Variants in EIF3J observed in about 807,000 individuals in gnomAD.
The protein encoded by EIF3J is eukaryotic translation initiation factor 3, subunit 1 (alpha, 35kD).
A neutral mutation model predicts 39.0 loss-of-function variants in EIF3J; 15 were observed. That is an observed-to-expected ratio of 0.38 (90% CI 0.26 to 0.59). EIF3J has a LOEUF of 0.59. Ranked by LOEUF, EIF3J falls within the 20% of genes least tolerant of loss-of-function variation. The pLI is 0.60. For missense variants in EIF3J, 226 were observed against 308.6 expected, an observed-to-expected ratio of 0.73 and a Z score of 2.00; for synonymous variants, 98 against 112.9, an observed-to-expected ratio of 0.87 and a Z score of 0.84.
At chr15:44,557,795 G>A (rs1421344064) in intron 6 of EIF3J, 145 bp downstream of exon 6, 2 of 510,826 alleles carry the variant, frequency 3.9e-6, no homozygotes, top group South Asian at 6.9e-5. Context: ...TGTGAATGTT[G>A]TTCTGCAGAT....
chr15:44,551,846 T>C (rs1326914861), intron 4 of EIF3J, among the ~76,000 whole-genome samples: 1 of 151,776 alleles, frequency 6.6e-6, no homozygotes. Flanking sequence ...TTTTTTTTTT[T>C]TGGAGACGGA....
chr15:44,544,549 C>T (rs775489221), intron 2 of EIF3J, among the ~76,000 whole-genome samples: 2 of 149,012 alleles, frequency 1.3e-5, no homozygotes, highest in African/African-American at 2.5e-5. Flanking sequence ...ACTAAAAATA[C>T]AAAATTAGCC....
intron 4 of EIF3J, among the ~76,000 whole-genome samples, chr15:44,552,028 G>A (rs923847839): frequency 3.9e-5 from 6 of 151,930 alleles, no homozygotes; most frequent in Non-Finnish European, 7.4e-5. Flanking sequence ...TCACCATGTT[G>A]GCCAGGATGG....
chr15:44,551,090 TTCTC>T (rs2082095239), intron 3 of EIF3J, among the ~76,000 whole-genome samples, 160 bp downstream of exon 3: 1 of 152,238 alleles, frequency 6.6e-6, no homozygotes, highest in Non-Finnish European at 1.5e-5. Context: ...CCTGCAACTT[TTCTC>T]TATCGCCTCA....
chr15:44,542,611 A>C (rs948303236), intron 2 of EIF3J, among the ~76,000 whole-genome samples: 1 of 152,222 alleles, frequency 6.6e-6, no homozygotes, highest in Non-Finnish European at 1.5e-5. Flanking sequence ...GTTAGAAATA[A>C]AAAGAAAGCA....
intron 4 of EIF3J, among the ~76,000 whole-genome samples, chr15:44,551,768 T>G (rs1293441416): frequency 6.6e-6 from 1 of 152,162 alleles, no homozygotes; most frequent in Non-Finnish European, 1.5e-5. Flanking sequence ...GTGACTACAG[T>G]CAGTGATTTT....
chr15:44,548,809 A>G (rs2082074748), intron 2 of EIF3J, among the ~76,000 whole-genome samples: 2 of 152,170 alleles, frequency 1.3e-5, no homozygotes, highest in African/African-American at 4.8e-5. Flanking sequence ...TTTGCCTCTA[A>G]TCATTTCTAA....
chr15:44,552,312 A>C (rs1236185461), intron 4 of EIF3J, among the ~76,000 whole-genome samples: 3 of 151,918 alleles, frequency 2.0e-5, no homozygotes, highest in Non-Finnish European at 4.4e-5. Flanking sequence ...CAGTGGTGTG[A>C]TTTTGGCTCA....
intron 2 of EIF3J, among the ~76,000 whole-genome samples, chr15:44,538,271 G>A (rs2081977711): frequency 6.6e-6 from 1 of 150,596 alleles, no homozygotes; most frequent in Non-Finnish European, 1.5e-5. Flanking sequence ...AGCTGTAAGT[G>A]ACATTTACTT....
chr15:44,550,208 C>G (rs1567117832), intron 2 of EIF3J, among the ~76,000 whole-genome samples: 1 of 152,114 alleles, frequency 6.6e-6, no homozygotes, highest in South Asian at 2.1e-4. Flanking sequence ...CCTAGAGAAG[C>G]AACGATAAAT....
intron 6 of EIF3J, among the ~76,000 whole-genome samples, chr15:44,559,806 C>G (rs1258336073): frequency 6.6e-6 from 1 of 152,056 alleles, no homozygotes. Context: ...TTATCCTCCC[C>G]CATTTGTTTA....
intron 4 of EIF3J, 129 bp from the exon 5 acceptor site, chr15:44,554,424 G>T: frequency 6.2e-5 from 20 of 321,334 alleles, no homozygotes; most frequent in Non-Finnish European, 7.6e-5. Flanking sequence ...AAGAATGCCT[G>T]AAACAGTAAT....
chr15:44,540,767 GT>G (rs1192625812), intron 2 of EIF3J, among the ~76,000 whole-genome samples: 2 of 152,162 alleles, frequency 1.3e-5, no homozygotes, highest in Admixed American at 6.5e-5. Context: ...GAATTCTTAT[GT>G]TTTTGTACTT....
At chr15:44,559,019 A>T (rs139198173) in intron 6 of EIF3J, 6 of 152,324 alleles carry the variant, frequency 3.9e-5, no homozygotes, top group African/African-American at 1.4e-4. Context: ...TTGGTAGGAC[A>T]TAGAGATGGT....
chr15:44,553,515 T>C (rs1185055968), intron 4 of EIF3J, among the ~76,000 whole-genome samples: 1 of 151,840 alleles, frequency 6.6e-6, no homozygotes, highest in East Asian at 1.9e-4. Context: ...AAAAAATAAT[T>C]ATATTCCAGT....
chr15:44,558,727 A>G (rs977809874), intron 6 of EIF3J: 1 of 152,148 alleles, frequency 6.6e-6, no homozygotes, highest in African/African-American at 2.4e-5. Context: ...GGTGTGAGCC[A>G]CCACGCCCAG....
At chr15:44,549,861 G>A (rs1255924198) in intron 2 of EIF3J, among the ~76,000 whole-genome samples, 1 of 151,220 alleles carries the variant, frequency 6.6e-6, no homozygotes, top group Non-Finnish European at 1.5e-5. Flanking sequence ...TGGGGAGGCT[G>A]AGGCAGGAGA....
chr15:44,537,391 C>T lies in EIF3J; in HGVS notation c.111C>T (p.Asp37=). 3 of 1,565,198 alleles carry T rather than the reference C, an allele frequency of 1.9e-6. No homozygotes were observed. Among genetic ancestry groups the T allele is most frequent in the Non-Finnish European group, 2.6e-6 (3 of 1,154,678 alleles). ...GGGGCGGCGGCACTGCCGGCGGGGACCGCTGGGAAGGCGAGGACGAGGACG... is the reference window on the plus strand; with the variant it reads ...GGGGCGGCGGCACTGCCGGCGGGGATCGCTGGGAAGGCGAGGACGAGGACG... The part of the protein sequence containing the change: ...KVGGGGTAGG[D]RWEGEDEDED... The change falls in exon 2 of 8, where the codon GAC becomes GAT. Residue 37 remains aspartate, a synonymous_variant. Transcript: ENST00000261868.
At chr15:44,557,791 T>C in intron 6 of EIF3J, 141 bp downstream of exon 6, 1 of 538,400 alleles carries the variant, frequency 1.9e-6, no homozygotes, top group East Asian at 3.5e-5. Context: ...ACCTTGTGAA[T>C]GTTGTTCTGC....
Sources: allele counts gnomAD v4.1 joint callset (sites outside exome capture counted in the v4.1 genomes callset), GRCh38; gene constraint gnomAD v4.1.1; transcripts MANE v1.5; gene names NCBI Gene and HGNC (gene_info 2026-07-23, HGNC 2026-07-21).